Variants in ADGRG2 observed in about 807,000 individuals in gnomAD.
ADGRG2 encodes G protein-coupled receptor 64.
In ADGRG2, 26 loss-of-function variants were observed where a neutral mutation model predicts 74.1. The observed-to-expected ratio is 0.35, with a 90% confidence interval of 0.26 to 0.49. The LOEUF (loss-of-function observed/expected upper bound fraction) is 0.49. ADGRG2 is among the 20% of genes least tolerant of loss of function. ADGRG2 has a pLI of 0.99. For synonymous variants in ADGRG2, 296 were observed against 295.2 expected, an observed-to-expected ratio of 1.00 and a Z score of -0.03; for missense variants, 619 against 763.1, an observed-to-expected ratio of 0.81 and a Z score of 2.22.
chrX:19,043,389 A>T (rs1396783125), intron 3 of ADGRG2, among the ~76,000 whole-genome samples: 2 of 111,558 alleles, frequency 1.8e-5, no homozygotes, highest in African/African-American at 6.5e-5. Flanking sequence ...ATATCCAGTG[A>T]GTCATATATT....
At chrX:19,054,612 C>T (rs1219404544) in intron 3 of ADGRG2, among the ~76,000 whole-genome samples, 1 of 112,229 alleles carries the variant, frequency 8.9e-6, no homozygotes, top group Non-Finnish European at 1.9e-5. Context: ...AAAACAGAGC[C>T]TTGGGAGATG....
chrX:18,996,934 C>G, intron 26 of ADGRG2, among the ~76,000 whole-genome samples: 1 of 111,546 alleles, frequency 9.0e-6, no homozygotes, highest in Middle Eastern at 4.7e-3. Flanking sequence ...TTTAAGATAC[C>G]AGGGGCCAGG....
intron 28 of ADGRG2, among the ~76,000 whole-genome samples, chrX:18,993,019 G>A (rs757213432): frequency 2.2e-4 from 25 of 112,288 alleles, no homozygotes; most frequent in Non-Finnish European, 4.5e-4. Flanking sequence ...CCGCTGCCTC[G>A]CCTCTGTTTA....
intron 3 of ADGRG2, among the ~76,000 whole-genome samples, chrX:19,042,067 C>G (rs78532163): frequency 9.0e-6 from 1 of 111,603 alleles, no homozygotes; most frequent in Non-Finnish European, 1.9e-5. Context: ...TCACCTCGGC[C>G]TCCCAAAGTG....
At chrX:19,006,346 G>C in intron 20 of ADGRG2, 81 bp from the exon 21 acceptor site, 1 of 675,093 alleles carries the variant, frequency 1.5e-6, no homozygotes, top group South Asian at 2.6e-5. Context: ...TATTTGAAAA[G>C]AAAAAAAACT....
At chrX:19,076,826 T>A (rs2061755369) in intron 2 of ADGRG2, among the ~76,000 whole-genome samples, 1 of 111,502 alleles carries the variant, frequency 9.0e-6, no homozygotes, top group Non-Finnish European at 1.9e-5. Flanking sequence ...TAGTGAAACA[T>A]GATAAAATAA....
rs375580194 is a variant in ADGRG2, at chrX:18,994,954, G to C, written c.2811C>G (p.Ser937=). 311 of 1,197,531 alleles carry C rather than the reference G, an allele frequency of 2.6e-4. No homozygotes were observed. The highest frequency in any genetic ancestry group is 3.3e-4 in the Non-Finnish European group (295 of 883,845). The change falls in exon 28 of 29, where the codon TCC becomes TCG. Residue 937 remains serine, a synonymous_variant. Coordinates refer to ENST00000379869, the MANE Select transcript of ADGRG2 (RefSeq NM_001079858.3). ...TCACTAGCAGTGTGGTGGAGTTAGT[G>C]GAGTTACTGCTTGACTGTAAGGAAT... ...SSNSLQSSSN[S]TNSTTLLVNN... is the part of the protein sequence containing the mutation.
rs759023789 is a variant in ADGRG2 at position 18,989,967 on chromosome X, A to G, written c.*897T>C. Reference sequence around the variant, plus strand: ...TGACAGTTCATCCCTCTCTGTGGCCAAGGTATAAAGCTAAACATCTTGGTG... The same window carrying G: ...TGACAGTTCATCCCTCTCTGTGGCCGAGGTATAAAGCTAAACATCTTGGTG... On this transcript the variant is annotated 3_prime_UTR_variant, in exon 29 of 29. Coordinates refer to ENST00000379869, the MANE Select transcript of ADGRG2 (RefSeq NM_001079858.3). The G allele has an allele frequency of 9.8e-5, 11 of 112,405 alleles. No homozygotes were observed. The Admixed American group carries it at 1.0e-3, about 11-fold the overall frequency. 9.3% of individuals were successfully genotyped at this position (112,405 alleles called of 1,213,427 possible).
At position 19,068,739 on chromosome X, in the gene ADGRG2, G is replaced by T. The variant is rs777426286; in HGVS notation, c.96C>A (p.Val32=). ...KIFLVIICLH[V]VLVTSLEEDT... is the part of the protein sequence containing the mutation. ...TACCTTCCAGGGATGTTACCAGAAC[G>T]ACATGAAGACAAATGATGACAAGGA... The change falls in exon 3 of 29, where the codon GTC becomes GTA. Residue 32 remains valine, a synonymous_variant. Coordinates refer to ENST00000379869, the MANE Select transcript of ADGRG2 (RefSeq NM_001079858.3). 9.2e-7 allele frequency: 1 copy of T among 1,083,780 alleles called. No homozygotes were observed. Among genetic ancestry groups the T allele is most frequent in the Non-Finnish European group, 1.3e-6 (1 of 790,828 alleles). 89.3% of individuals were successfully genotyped at this position (1,083,780 alleles called of 1,213,427 possible).
rs745874668 is a variant in ADGRG2 at position 19,068,769 on chromosome X, C to A, written c.66G>T (p.Lys22Asn). The A allele has an allele frequency of 1.7e-6, 2 of 1,165,939 alleles. No homozygotes were observed. The highest frequency in any genetic ancestry group is 3.7e-5 in the South Asian group (2 of 53,863). The change falls in exon 3 of 29, where the codon AAG (lysine) becomes AAT (asparagine). Residue 22 changes from lysine (K) to asparagine (N), a missense_variant. Physicochemically the swap from Lys to Asn is moderately conservative, Grantham distance 94. Transcript: ENST00000379869. ...GRTEEVLLTF[K>N]IFLVIICLHV... ...GAAGACAAATGATGACAAGGAATATCTTGAACGTCAGTAAAACTTCTTCAG... is the reference window on the plus strand; with the variant it reads ...GAAGACAAATGATGACAAGGAATATATTGAACGTCAGTAAAACTTCTTCAG...
intron 2 of ADGRG2, among the ~76,000 whole-genome samples, chrX:19,081,033 T>C (rs1013077442): frequency 1.8e-4 from 20 of 110,905 alleles, no homozygotes; most frequent in Non-Finnish European, 3.8e-4. Context: ...GCAGATATCT[T>C]TCCTGCCCTC....
intron 4 of ADGRG2, among the ~76,000 whole-genome samples, chrX:19,038,156 AATTAATCAAGTG>A (rs1259931913): frequency 1.8e-5 from 2 of 112,464 alleles, no homozygotes; most frequent in African/African-American, 6.5e-5. Context: ...CTATTAAGGC[AATTAATCAAGTG>A]ATAAATTTCC....
intron 2 of ADGRG2, among the ~76,000 whole-genome samples, chrX:19,075,107 G>A (rs1020965589): frequency 3.6e-5 from 4 of 110,394 alleles, no homozygotes; most frequent in Non-Finnish European, 7.6e-5. Context: ...AATTCAAAGA[G>A]AGAATCAGTG....
At position 19,063,254 on chromosome X, in the gene ADGRG2, G is replaced by A. The variant is rs765509855; in HGVS notation, c.118+5463C>T. Among the ~76,000 whole-genome samples the A allele has an allele frequency of 1.3e-4, 15 of 111,672 alleles. No homozygotes were observed. In the East Asian group the frequency reaches 3.1e-3, roughly 23 times the overall value. ...TCCAGGGTGAAGCTACTGTGTTTAC[G>A]GTCCAGATCTCCCAGAGCCCCGGGT... On this transcript the variant is annotated intron_variant, in intron 3 of 28. Transcript: ENST00000379869.
In ADGRG2 at chrX:18,999,963, G is replaced by A; in HGVS notation, c.2231-3C>T. 9.5e-7 allele frequency: 1 copy of A among 1,048,267 alleles called. No individual in the cohort carries two copies. The allele number at this position is 1,048,267 out of a possible 1,213,427, so 86.4% of individuals were successfully genotyped here. A position where few individuals can be genotyped will look rare whatever the true frequency, so the allele number is the denominator to read the frequency against. ...GGTCACAACCACAGCTGGTACCCCT[G>A]GAAGATGGGAAACATTGGTCACACC... On this transcript the variant is annotated splice_polypyrimidine_tract_variant and splice_region_variant and intron_variant, in intron 24 of 28. Coordinates refer to ENST00000379869, the MANE Select transcript of ADGRG2 (RefSeq NM_001079858.3).
chrX:19,100,262 C>A lies in ADGRG2; in HGVS notation c.-46-17516G>T, dbSNP rs1441094687. ...AAAAGTTATCATAGGTAAAAATCTG[C>A]ATTTCCTCTGCAAAGGGTCAAATAG... On this transcript the variant is annotated intron_variant, in intron 1 of 28. Transcript: ENST00000379869. 3.5e-5 allele frequency among the ~76,000 whole-genome samples: 4 copies of A among 112,912 alleles called. No individual in the cohort carries two copies. The East Asian group carries it at 8.3e-4, about 24-fold the overall frequency.
At chrX:19,018,288 TG>T (rs1343531970) in intron 15 of ADGRG2, among the ~76,000 whole-genome samples, 6 of 108,384 alleles carry the variant, frequency 5.5e-5, no homozygotes, top group African/African-American at 2.1e-4. Context: ...TTTGTTTGTT[TG>T]TTTGTTTTTT....
Position 19,087,766 on chromosome X carries a change from C to A in ADGRG2, c.-46-5020G>T, listed in dbSNP as rs1010746273. Among the ~76,000 whole-genome samples, 4 of 111,806 alleles carry A rather than the reference C, an allele frequency of 3.6e-5. No homozygotes were observed. In the South Asian group the frequency reaches 1.5e-3, roughly 42 times the overall value. On this transcript the variant is annotated intron_variant, in intron 1 of 28. Transcript: ENST00000379869. ...AAGTCGTCAGTGGGCCTCTTGCAGCCGTTGCTACCATGCTTTATTTTCCTG... is the reference window on the plus strand; with the variant it reads ...AAGTCGTCAGTGGGCCTCTTGCAGCAGTTGCTACCATGCTTTATTTTCCTG...
At chrX:19,109,557 C>T (rs1203108610) in intron 1 of ADGRG2, among the ~76,000 whole-genome samples, 2 of 111,640 alleles carry the variant, frequency 1.8e-5, no homozygotes, top group Non-Finnish European at 3.8e-5. Flanking sequence ...TTTTTTGGTG[C>T]CCTTTTCTCA....
Sources: gnomAD v4.1 joint callset for allele counts (sites outside exome capture counted in the v4.1 genomes callset) on GRCh38, gnomAD v4.1.1 for gene constraint, MANE v1.5 for transcripts, NCBI Gene and HGNC (gene_info 2026-07-23, HGNC 2026-07-21) for gene names.